The following GNE variants were observed in gnomAD, a reference collection of about 807,000 sequenced individuals.
GNE encodes bifunctional UDP-N-acetylglucosamine 2-epimerase/N-acetylmannosamine kinase.
GNE carries 41 observed loss-of-function variants against 61.8 expected under a neutral mutation model. The observed-to-expected ratio is 0.66, with a 90% CI of 0.52 to 0.86. The LOEUF is 0.86. Ranked by LOEUF, GNE falls within the 40% of genes least tolerant of loss-of-function variation. The pLI, the probability that GNE is intolerant of heterozygous loss-of-function variation, is 0.00. For synonymous variants in GNE, 264 were observed against 326.4 expected, an observed-to-expected ratio of 0.81 and a Z score of 2.06; for missense variants, 608 against 909.1, an observed-to-expected ratio of 0.67 and a Z score of 4.26.
chr9:36,239,669 C>T (rs1329958796), intron 3 of GNE, among the ~76,000 whole-genome samples: 1 of 151,860 alleles, frequency 6.6e-6, no homozygotes, highest in Non-Finnish European at 1.5e-5. Flanking sequence ...GTCAGGGTTT[C>T]ACCATGTTGG....
chr9:36,257,252 A>C (rs912090746), intron 1 of GNE, among the ~76,000 whole-genome samples: 7 of 152,162 alleles, frequency 4.6e-5, no homozygotes, highest in African/African-American at 1.7e-4. Context: ...ATGAGTACAA[A>C]TCTTCCTCGA....
At chr9:36,272,380 G>C (rs1029312883) in intron 1 of GNE, among the ~76,000 whole-genome samples, 1 of 152,148 alleles carries the variant, frequency 6.6e-6, no homozygotes, top group Non-Finnish European at 1.5e-5. Flanking sequence ...CCAGCACTTT[G>C]GGAGGCCGAG....
intron 11 of GNE, among the ~76,000 whole-genome samples, chr9:36,217,978 C>G (rs1356151085): frequency 6.6e-6 from 1 of 152,134 alleles, no homozygotes; most frequent in African/African-American, 2.4e-5. Context: ...CAAACCAAAC[C>G]AACCACCTGC....
intron 1 of GNE, among the ~76,000 whole-genome samples, chr9:36,271,640 C>T (rs922511385): frequency 6.6e-6 from 1 of 152,166 alleles, no homozygotes; most frequent in Admixed American, 6.5e-5. Flanking sequence ...TCCCAAAGTG[C>T]TGGGATTACA....
chr9:36,247,418 T>C (rs1829934271), intron 2 of GNE, among the ~76,000 whole-genome samples: 1 of 152,092 alleles, frequency 6.6e-6, no homozygotes, highest in Admixed American at 6.6e-5. Flanking sequence ...CTCCCAGTCA[T>C]CCAATTCTTC....
Position 36,227,405 on chromosome 9 carries a change from T to C in GNE, c.1124A>G (p.Lys375Arg). The change falls in exon 7 of 12, where the codon AAA (lysine) becomes AGA (arginine). Residue 375 changes from lysine to arginine, a missense_variant. Lys to Arg is a conservative substitution (Grantham distance 26, BLOSUM62 2). Transcript: ENST00000642385. ...CAGTGGCTCTTGAAGATCGATAGAT[T>C]TGAGAAACTTCAAAATCCTTGGAAC... The part of the protein sequence containing the change: ...NAVPRILKFL[K>R]SIDLQEPLQK... 6.2e-7 allele frequency: 1 copy of C among 1,613,196 alleles called. No individual in the cohort carries two copies.
At chr9:36,276,359 C>T (rs1484720490) in intron 1 of GNE, among the ~76,000 whole-genome samples, 3 of 152,068 alleles carry the variant, frequency 2.0e-5, no homozygotes, top group African/African-American at 4.8e-5. Flanking sequence ...CACTATATGT[C>T]GCATTTATAT....
chr9:36,232,735 A>C (rs1241855017), intron 5 of GNE, among the ~76,000 whole-genome samples: 1 of 152,172 alleles, frequency 6.6e-6, no homozygotes, highest in Non-Finnish European at 1.5e-5. Flanking sequence ...CAGCATATAG[A>C]ATTCCTGATA....
upstream of GNE, chr9:36,263,324 C>T: frequency 8.7e-6 from 2 of 229,412 alleles, no homozygotes; most frequent in Admixed American, 8.6e-5. Context: ...ACATGTGTCA[C>T]CGCGCCCGGC....
rs2133041569 is a variant in GNE at position 36,227,308 on chromosome 9, T to TA, written c.1220dup (p.Ser408LysfsTer6). On this transcript the variant is annotated frameshift_variant, in exon 7 of 12. Coordinates refer to ENST00000642385, the MANE Select transcript of GNE (RefSeq NM_005476.7). LOFTEE classifies it high-confidence loss of function. ...CGCCAAGATCAACGGCCAAGGCACT[T>TA]AGAGTTTCAAGAATATGGTCAATAT... 1 of 1,613,732 alleles carries TA rather than the reference T, an allele frequency of 6.2e-7. No homozygotes were observed. Among genetic ancestry groups the TA allele is most frequent in the Non-Finnish European group, 8.5e-7 (1 of 1,179,606 alleles).
chr9:36,227,631 T>TG (rs1316968549), intron 6 of GNE, among the ~76,000 whole-genome samples, 173 bp from the exon 7 acceptor site: 4 of 152,140 alleles, frequency 2.6e-5, no homozygotes, highest in African/African-American at 9.7e-5. Context: ...CCCAGCACTT[T>TG]GGGGGGCTGA....
chr9:36,262,075 G>T (rs1029315721), upstream of GNE, among the ~76,000 whole-genome samples: 1 of 152,120 alleles, frequency 6.6e-6, no homozygotes, highest in African/African-American at 2.4e-5. Flanking sequence ...TAAAATCTGG[G>T]TGCTGATTAC....
At position 36,237,031 on chromosome 9, in the gene GNE, TAAAAG is replaced by T. The variant is rs755733440; in HGVS notation, c.617-52_617-48del. 3.3e-6 allele frequency: 5 copies of T among 1,505,720 alleles called. No homozygotes were observed. In the South Asian group the frequency reaches 4.5e-5, roughly 14 times the overall value. 93.3% of individuals were successfully genotyped at this position (1,505,720 alleles called of 1,614,324 possible). A position where few individuals can be genotyped will look rare whatever the true frequency, so the allele number is the denominator to read the frequency against. On this transcript the variant is annotated intron_variant, in intron 3 of 11. Transcript: ENST00000642385. Reference sequence around the variant, plus strand: ...ACATTGCTTCATTAGTTAAGAATCTTAAAAGAGAAAGAAGCAAATTCTGAAAGCAA... The same window carrying T: ...ACATTGCTTCATTAGTTAAGAATCTTAGAAAGAAGCAAATTCTGAAAGCAA...
At chr9:36,251,986 C>CTTTT (rs34737463) in intron 1 of GNE, among the ~76,000 whole-genome samples, 2 of 134,172 alleles carry the variant, frequency 1.5e-5, no homozygotes, top group Non-Finnish European at 1.6e-5. Flanking sequence ...ACTATCTGAT[C>CTTTT]TTTTTTTTTT....
At chr9:36,270,360 T>C (rs1830975975) in intron 1 of GNE, among the ~76,000 whole-genome samples, 1 of 152,180 alleles carries the variant, frequency 6.6e-6, no homozygotes, top group Non-Finnish European at 1.5e-5. Flanking sequence ...AATGTAAATA[T>C]TTAATGTAGA....
At chr9:36,250,573 C>G (rs1467444491) in intron 1 of GNE, among the ~76,000 whole-genome samples, 1 of 152,198 alleles carries the variant, frequency 6.6e-6, no homozygotes, top group Non-Finnish European at 1.5e-5. Context: ...TCTTTCAAAT[C>G]TATCTCCTCC....
Position 36,216,240 on chromosome 9 carries a change from G to T in GNE, c.*1125C>A, listed in dbSNP as rs1370787185. On this transcript the variant is annotated 3_prime_UTR_variant, in exon 12 of 12. Transcript: ENST00000642385. ...CAATAAAGCTGTTTTAAAAAAAAGT[G>T]TACTTAAGCCCTTCCTGGTAAGATT... is the stretch of plus-strand genomic sequence containing the variant. 4.4e-6 allele frequency: 2 copies of T among 454,264 alleles called. No homozygotes were observed. The highest frequency in any genetic ancestry group is 2.4e-5 in the Admixed American group (1 of 42,450). The allele number at this position is 454,264 out of a possible 1,614,324, so 28.1% of individuals were successfully genotyped here.
rs1352961691 is a variant in GNE at position 36,231,213 on chromosome 9, C to A, written c.983-2105G>T. 2.0e-5 allele frequency among the ~76,000 whole-genome samples: 3 copies of A among 151,946 alleles called. No homozygotes were observed. The East Asian group carries it at 5.8e-4, about 29-fold the overall frequency. On this transcript the variant is annotated intron_variant, in intron 5 of 11. Coordinates refer to ENST00000642385, the MANE Select transcript of GNE (RefSeq NM_005476.7). The stretch of plus-strand genomic sequence containing the variant: ...GCACAATGGCTCACATCCATAATTC[C>A]AGGACTTTGTGAGGCCAAGGTAGGA...
In GNE at chr9:36,227,448, A is replaced by G. The variant is rs1192630467; in HGVS notation, c.1081T>C (p.Tyr361His). 3.1e-6 allele frequency: 5 copies of G among 1,602,638 alleles called. No homozygotes were observed. Among genetic ancestry groups the G allele is most frequent in the Admixed American group, 1.7e-5 (1 of 59,986 alleles). ...FGKQYPCSKI[Y>H]GDGNAVPRIL... The stretch of plus-strand genomic sequence containing the variant: ...CTTGGAACAGCATTTCCATCCCCAT[A>G]TATCTTTGAACTGCAATATACAAAA... The change falls in exon 7 of 12, where the codon TAT becomes CAT. Residue 361 changes from tyrosine to histidine, a missense_variant. Physicochemically the swap from Tyr to His is moderately conservative, Grantham distance 83. Coordinates refer to ENST00000642385, the MANE Select transcript of GNE (RefSeq NM_005476.7).
Sources: allele counts gnomAD v4.1 joint callset (sites outside exome capture counted in the v4.1 genomes callset), GRCh38; gene constraint gnomAD v4.1.1; transcripts MANE v1.5; gene names NCBI Gene and HGNC (gene_info 2026-07-23, HGNC 2026-07-21).